CAPN14: variants seen among roughly 807,000 people sequenced by gnomAD.
CAPN14 encodes calpain 14, also known as calpain-14.
CAPN14 carries 94 observed loss-of-function variants against 101.3 expected under a neutral mutation model. The observed-to-expected ratio is 0.93, with a 90% CI of 0.79 to 1.10. CAPN14 has a LOEUF of 1.10. CAPN14 is among the 50% of genes least tolerant of loss of function. The pLI is 0.00. For missense variants in CAPN14, 837 were observed against 828.4 expected, an observed-to-expected ratio of 1.01 and a Z score of -0.13; for synonymous variants, 338 against 317.9, an observed-to-expected ratio of 1.06 and a Z score of -0.67.
rs1680203249 is a variant in CAPN14 at position 31,174,617 on chromosome 2, A to T, written c.*64T>A. ...AGTAGGGTGGGCATGGGTTGGTCTC[A>T]GCCAAAGGCTGCTCTTGGGCCACAT... On this transcript the variant is annotated 3_prime_UTR_variant, in exon 22 of 22. Transcript: ENST00000403897. The T allele has an allele frequency of 6.5e-7, 1 of 1,534,272 alleles. No individual in the cohort carries two copies. The highest frequency in any genetic ancestry group is 1.4e-5 in the African/African-American group (1 of 72,854).
Position 31,205,274 on chromosome 2 carries a change from A to G in CAPN14, c.174T>C (p.Ser58=), listed in dbSNP as rs1420596600. The G allele has an allele frequency of 1.9e-6, 3 of 1,550,098 alleles. No homozygotes were observed. Among genetic ancestry groups the G allele is most frequent in the East Asian group, 2.4e-5 (1 of 40,912 alleles). Residue 58 remains serine (S), a synonymous_variant, in exon 2 of 22, where the codon AGT becomes AGC. Coordinates refer to ENST00000403897, the MANE Select transcript of CAPN14 (RefSeq NM_001145122.2). Reference sequence around the variant, plus strand: ...GTGGCAGCTTCTGCAGCAGGGAGCCACTGCCGATGGAGCTCAGGGTGGCCG... The same window carrying G: ...GTGGCAGCTTCTGCAGCAGGGAGCCGCTGCCGATGGAGCTCAGGGTGGCCG... ...SFPATLSSIG[S]GSLLQKLPPR...
intron 17 of CAPN14, 93 bp from the exon 18 acceptor site, chr2:31,178,672 G>T: frequency 1.2e-6 from 1 of 802,208 alleles, no homozygotes; most frequent in Non-Finnish European, 1.9e-6. Flanking sequence ...TGTGCAATTT[G>T]TGGATGGCCT....
chr2:31,177,924 T>C (rs1680392585), intron 18 of CAPN14, 103 bp from the exon 19 acceptor site: 1 of 789,230 alleles, frequency 1.3e-6, no homozygotes, highest in Non-Finnish European at 2.2e-6. Context: ...CTGTTGAAGA[T>C]ATCTGAGGCT....
At chr2:31,218,907 G>A (rs532307033), upstream of CAPN14, among the ~76,000 whole-genome samples, 7 of 152,128 alleles carry the variant, frequency 4.6e-5, no homozygotes, top group African/African-American at 9.7e-5. Context: ...ACCCTTCCTC[G>A]CATGGGTCTG....
intron 12 of CAPN14, 72 bp downstream of exon 12, chr2:31,191,327 A>C: frequency 7.0e-7 from 1 of 1,437,032 alleles, no homozygotes; most frequent in Non-Finnish European, 9.4e-7. Context: ...CAGTCTAACT[A>C]AATCCTGTGG....
intron 2 of CAPN14, among the ~76,000 whole-genome samples, chr2:31,223,480 A>C (rs1682920358): frequency 6.6e-6 from 1 of 151,252 alleles, no homozygotes; most frequent in Non-Finnish European, 1.5e-5. Flanking sequence ...AAAGACAGTG[A>C]CACCTCCCCT....
chr2:31,182,943 A>T (rs1015779573), intron 16 of CAPN14, among the ~76,000 whole-genome samples: 2 of 152,020 alleles, frequency 1.3e-5, no homozygotes, highest in Non-Finnish European at 2.9e-5. Context: ...CTATACTACA[A>T]GGCTACAGTA....
chr2:31,224,308 A>T (rs1178322270), intron 2 of CAPN14, among the ~76,000 whole-genome samples: 1 of 152,140 alleles, frequency 6.6e-6, no homozygotes, highest in East Asian at 1.9e-4. Context: ...TTCTATACAC[A>T]TACAAATATA....
chr2:31,180,954 C>A lies in CAPN14; in HGVS notation c.1692G>T (p.Gly564=). 1 of 1,551,776 alleles carries A rather than the reference C, an allele frequency of 6.4e-7. No homozygotes were observed. Among genetic ancestry groups the A allele is most frequent in the Non-Finnish European group, 8.7e-7 (1 of 1,146,940 alleles). The change falls in exon 17 of 22, where the codon GGG becomes GGT. Residue 564 remains glycine (G), a synonymous_variant. Coordinates refer to ENST00000403897, the MANE Select transcript of CAPN14 (RefSeq NM_001145122.2). ...QPFFSLEACQ[G]ILALLDLNAS... is the part of the protein sequence containing the mutation. ...AGGATACGTCCAGTAAGGCCAGGATCCCCTGGCAGGCTTCCAGGCTAAAGA... is the reference window on the plus strand; with the variant it reads ...AGGATACGTCCAGTAAGGCCAGGATACCCTGGCAGGCTTCCAGGCTAAAGA...
At chr2:31,227,043 A>G (rs542714658) in intron 1 of CAPN14, among the ~76,000 whole-genome samples, 16 of 152,294 alleles carry the variant, frequency 1.1e-4, no homozygotes, top group African/African-American at 3.9e-4. Flanking sequence ...CACGCTCTGG[A>G]AACACCTGTG....
intron 8 of CAPN14, among the ~76,000 whole-genome samples, chr2:31,195,139 C>T (rs1420275871): frequency 6.6e-6 from 1 of 152,070 alleles, no homozygotes; most frequent in Non-Finnish European, 1.5e-5. Context: ...CCAGAATTTG[C>T]TGGGCAAAGT....
chr2:31,207,001 G>T (rs76743998), intron 1 of CAPN14, among the ~76,000 whole-genome samples: 6,396 of 152,228 alleles, frequency 0.042, 145 homozygotes, highest in African/African-American at 0.054. Flanking sequence ...GTGCTATACA[G>T]GGAGATTTTA....
At position 31,174,553 on chromosome 2, in the gene CAPN14, A is replaced by T; in HGVS notation, c.*128T>A. 1.1e-6 allele frequency: 1 copy of T among 929,952 alleles called. No homozygotes were observed. Among genetic ancestry groups the T allele is most frequent in the Non-Finnish European group, 1.7e-6 (1 of 598,948 alleles). The allele number at this position is 929,952 out of a possible 1,614,324, so 57.6% of individuals were successfully genotyped here. On this transcript the variant is annotated 3_prime_UTR_variant, in exon 22 of 22. Transcript: ENST00000403897. ...TGCAGAAGAGAAACCTTCCCAGCTGAGAAGGTGACGGCTAGTGAGGCTGTC... is the reference window on the plus strand; with the variant it reads ...TGCAGAAGAGAAACCTTCCCAGCTGTGAAGGTGACGGCTAGTGAGGCTGTC...
At chr2:31,199,396 C>T (rs768100608) in intron 7 of CAPN14, 74 bp downstream of exon 7, 200 of 1,276,096 alleles carry the variant, frequency 1.6e-4, no homozygotes, top group Non-Finnish European at 1.9e-4. Flanking sequence ...AAACTAAATC[C>T]ACCAAGATAA....
intron 17 of CAPN14, among the ~76,000 whole-genome samples, chr2:31,178,904 G>C (rs78272726): frequency 9.0e-4 from 137 of 152,016 alleles, no homozygotes; most frequent in African/African-American, 3.1e-3. Flanking sequence ...TTTGATTATT[G>C]TTAGTGGAGT....
intron 9 of CAPN14, 61 bp from the exon 10 acceptor site, chr2:31,193,355 C>A: frequency 2.0e-6 from 3 of 1,501,154 alleles, no homozygotes; most frequent in Non-Finnish European, 2.7e-6. Flanking sequence ...GTTATCAGGA[C>A]CCATGGGGAG....
At chr2:31,224,748 G>A (rs1397404244) in intron 2 of CAPN14, among the ~76,000 whole-genome samples, 4 of 151,430 alleles carry the variant, frequency 2.6e-5, no homozygotes, top group Non-Finnish European at 5.9e-5. Flanking sequence ...CCAGTTAGAA[G>A]GTACCATAAT....
intron 1 of CAPN14, among the ~76,000 whole-genome samples, chr2:31,229,935 A>G (rs972952001): frequency 1.3e-5 from 2 of 152,246 alleles, no homozygotes; most frequent in African/African-American, 4.8e-5. Flanking sequence ...GATTCTATGC[A>G]TAATAGCCTA....
At chr2:31,206,326 C>G (rs1260048125) in intron 1 of CAPN14, among the ~76,000 whole-genome samples, 2 of 152,188 alleles carry the variant, frequency 1.3e-5, no homozygotes, top group African/African-American at 2.4e-5. Flanking sequence ...CAGAAGGCCC[C>G]CACGGGCGGT....
Sources: gnomAD v4.1 joint callset for allele counts (sites outside exome capture counted in the v4.1 genomes callset) on GRCh38, gnomAD v4.1.1 for gene constraint, MANE v1.5 for transcripts, NCBI Gene and HGNC (gene_info 2026-07-23, HGNC 2026-07-21) for gene names.